ANXA4: variants seen among roughly 807,000 people sequenced by gnomAD.
The protein encoded by ANXA4 is 35-beta calcimedin.
A neutral mutation model predicts 49.8 loss-of-function variants in ANXA4; 39 were observed. That is an observed-to-expected ratio of 0.78 (90% CI 0.61 to 1.02). ANXA4 has a LOEUF of 1.02. Ranked by LOEUF, ANXA4 falls within the 50% of genes least tolerant of loss-of-function variation. The pLI, the probability that ANXA4 is intolerant of heterozygous loss-of-function variation, is 0.00. For synonymous variants in ANXA4, 134 were observed against 152.5 expected (o/e 0.88, Z 0.89); for missense variants, 360 against 410.1 (o/e 0.88, Z 1.05).
intron 3 of ANXA4, among the ~76,000 whole-genome samples, chr2:69,788,634 G>A (rs375096156): frequency 7.9e-5 from 12 of 152,022 alleles, no homozygotes; most frequent in African/African-American, 2.2e-4. Context: ...TCAGGAGATC[G>A]AGACCATCCT....
intron 3 of ANXA4, among the ~76,000 whole-genome samples, chr2:69,789,143 C>T (rs1218271933): frequency 6.6e-6 from 1 of 152,172 alleles, no homozygotes; most frequent in East Asian, 1.9e-4. Context: ...ATTTACAAAG[C>T]AGTTTCACAG....
At chr2:69,673,673 A>G (rs1440679121) in intron 2 of ANXA4, among the ~76,000 whole-genome samples, 2 of 147,914 alleles carry the variant, frequency 1.4e-5, no homozygotes, top group Admixed American at 6.9e-5. Context: ...AAGAAAAGAA[A>G]CATTTTTTTC....
chr2:69,667,349 AAAG>A (rs1199603944), intron 2 of ANXA4, among the ~76,000 whole-genome samples: 1 of 152,184 alleles, frequency 6.6e-6, no homozygotes, highest in African/African-American at 2.4e-5. Flanking sequence ...CTATTGAAAA[AAAG>A]AAAGAGATCC....
chr2:69,673,687 G>GACACACACACACAC (rs72114703), intron 2 of ANXA4, among the ~76,000 whole-genome samples: 1 of 139,128 alleles, frequency 7.2e-6, no homozygotes, highest in South Asian at 2.4e-4. Context: ...TTTTTTCAAA[G>GACACACACACACAC]ACACACACAC....
At chr2:69,699,504 G>A (rs541334527) in intron 2 of ANXA4, among the ~76,000 whole-genome samples, 5 of 152,126 alleles carry the variant, frequency 3.3e-5, no homozygotes, top group South Asian at 2.1e-4. Context: ...TAAGCCAGGC[G>A]TGGTGGTGTG....
In ANXA4 at chr2:69,647,362, T is replaced by C. The variant is rs147906342; in HGVS notation, n.481+2457T>C. On this transcript the variant is annotated intron_variant and non_coding_transcript_variant, in intron 1 of 3. Transcript: ENST00000418066. The stretch of plus-strand genomic sequence containing the variant: ...AGTTATGGAATTTAAAAAATATATA[T>C]ATATTGTTTTATTGTTTTATTTTTA... 1.7e-3 allele frequency among the ~76,000 whole-genome samples: 263 copies of C among 150,762 alleles called. 1 individual carries two copies. The highest frequency in any genetic ancestry group is 6.0e-3 in the African/African-American group (245 of 41,160).
chr2:69,719,787 A>G (rs1049048080), intron 2 of ANXA4, among the ~76,000 whole-genome samples: 3 of 151,902 alleles, frequency 2.0e-5, no homozygotes, highest in Non-Finnish European at 2.9e-5. Context: ...TTAGTTAAAA[A>G]TCATTAAATT....
At chr2:69,757,241 T>C (rs1174266297) in intron 1 of ANXA4, among the ~76,000 whole-genome samples, 1 of 57,050 alleles carries the variant, frequency 1.8e-5, no homozygotes, top group African/African-American at 7.7e-5. Context: ...TTTTGTTTTA[T>C]ATATATATAT....
chr2:69,808,618 T>C (rs1032901772), intron 6 of ANXA4: 5 of 152,344 alleles, frequency 3.3e-5, no homozygotes, highest in African/African-American at 1.2e-4. Context: ...CAATGAACTA[T>C]TATGTAGTCA....
intron 2 of ANXA4, among the ~76,000 whole-genome samples, chr2:69,713,200 G>A (rs1460367475): frequency 6.6e-6 from 1 of 151,818 alleles, no homozygotes; most frequent in East Asian, 1.9e-4. Context: ...AAAAGAAAAT[G>A]AAAGGATGGA....
intron 1 of ANXA4, among the ~76,000 whole-genome samples, chr2:69,764,310 T>C (rs1260253654): frequency 3.9e-5 from 6 of 152,200 alleles, no homozygotes; most frequent in African/African-American, 1.4e-4. Flanking sequence ...CTTTCATGTT[T>C]CCTCGAGGGA....
At chr2:69,820,296 A>T (rs540242087) in intron 11 of ANXA4, among the ~76,000 whole-genome samples, 1 of 151,734 alleles carries the variant, frequency 6.6e-6, no homozygotes, top group South Asian at 2.1e-4. Flanking sequence ...ATATATAAAC[A>T]GTTGGTATAT....
intron 2 of ANXA4, among the ~76,000 whole-genome samples, chr2:69,681,818 T>A (rs2105358328): frequency 6.6e-6 from 1 of 152,104 alleles, no homozygotes; most frequent in African/African-American, 2.4e-5. Context: ...TTCTACTAAT[T>A]TGGGGTTTGG....
intron 2 of ANXA4, among the ~76,000 whole-genome samples, chr2:69,693,483 G>A (rs2105376203): frequency 6.6e-6 from 1 of 152,212 alleles, no homozygotes; most frequent in South Asian, 2.1e-4. Context: ...AAGCAGATGG[G>A]CTTTGGGGTC....
intron 2 of ANXA4, among the ~76,000 whole-genome samples, chr2:69,702,321 A>G (rs1678357119): frequency 6.6e-6 from 1 of 151,982 alleles, no homozygotes. Context: ...CCTATTTTTT[A>G]CTTTTTATTA....
intron 8 of ANXA4, among the ~76,000 whole-genome samples, chr2:69,812,998 C>T (rs1444172550): frequency 6.6e-6 from 1 of 152,182 alleles, no homozygotes; most frequent in African/African-American, 2.4e-5. Context: ...GTGAAAGGGA[C>T]TGTTCACTGT....
intron 2 of ANXA4, among the ~76,000 whole-genome samples, chr2:69,677,080 T>C (rs1229440075): frequency 6.6e-6 from 1 of 152,074 alleles, no homozygotes; most frequent in Non-Finnish European, 1.5e-5. Context: ...CTTCCCAAAG[T>C]GTTGGGATTA....
intron 1 of ANXA4, among the ~76,000 whole-genome samples, chr2:69,751,700 A>AG (rs966545082): frequency 1.3e-5 from 2 of 151,974 alleles, no homozygotes; most frequent in African/African-American, 4.8e-5. Context: ...AGGAGTGGAG[A>AG]GCAGAGGCTG....
rs570897204 is a variant in ANXA4, at chr2:69,656,229, G to GTA, written n.766+2956_766+2957dup. Among the ~76,000 whole-genome samples the GTA allele has an allele frequency of 8.2e-4, 104 of 126,088 alleles. 10 individuals carry two copies. In the East Asian group the frequency reaches 0.024, roughly 29 times the overall value. 82.7% of individuals were successfully genotyped at this position (126,088 alleles called of 152,430 possible). A position where few individuals can be genotyped will look rare whatever the true frequency, so the allele number is the denominator to read the frequency against. On this transcript the variant is annotated intron_variant and non_coding_transcript_variant, in intron 2 of 3. Coordinates refer to the ANXA4 transcript ENST00000418066. ...TACACACACATATATATGTATATAT[G>GTA]TATATATATACGTATATATATGTAT...
Sources: gnomAD v4.1 joint callset for allele counts (sites outside exome capture counted in the v4.1 genomes callset) on GRCh38, gnomAD v4.1.1 for gene constraint, MANE v1.5 for transcripts, NCBI Gene and HGNC (gene_info 2026-07-23, HGNC 2026-07-21) for gene names.